LIN7A: variants seen among roughly 807,000 people sequenced by gnomAD.
LIN7A encodes the protein protein lin-7 homolog A.
Under a neutral mutation model 29.8 loss-of-function variants are expected in LIN7A, and 25 were observed. The observed-to-expected ratio is 0.84, with a 90% CI of 0.61 to 1.17. The LOEUF (loss-of-function observed/expected upper bound fraction) is 1.17. Among genes scored for constraint, LIN7A ranks in the 50% most tolerant of loss-of-function variants. The pLI is 0.00. For missense variants in LIN7A, 239 were observed against 287.0 expected (o/e 0.83, Z 1.21); for synonymous variants, 118 against 107.5 (o/e 1.10, Z -0.60).
In LIN7A at chr12:80,869,752, T is replaced by C. The variant is rs545529793; in HGVS notation, c.201+19499A>G. Among the ~76,000 whole-genome samples, 22 of 152,078 alleles carry C rather than the reference T, an allele frequency of 1.4e-4. No individual in the cohort carries two copies. The South Asian group carries it at 4.4e-3, about 30-fold the overall frequency. The stretch of plus-strand genomic sequence containing the variant: ...CTCAACCACATTACGCCAATGGTTT[T>C]TTTTTTTTTCTTTTTTTGCAAATAG... On this transcript the variant is annotated intron_variant, in intron 2 of 5. Transcript: ENST00000552864.
chr12:80,871,260 A>C (rs992737888), intron 2 of LIN7A, among the ~76,000 whole-genome samples: 3 of 152,200 alleles, frequency 2.0e-5, no homozygotes, highest in Non-Finnish European at 2.9e-5. Context: ...GAGGTAATGG[A>C]AAAGAATGGG....
chr12:80,926,785 C>T (rs943093981), intron 1 of LIN7A, among the ~76,000 whole-genome samples: 2 of 151,702 alleles, frequency 1.3e-5, no homozygotes, highest in African/African-American at 4.8e-5. Context: ...AGAAATTAGC[C>T]GGGCATGGTG....
intron 1 of LIN7A, among the ~76,000 whole-genome samples, chr12:80,910,182 T>C (rs1876684068): frequency 6.6e-6 from 1 of 152,194 alleles, no homozygotes; most frequent in Non-Finnish European, 1.5e-5. Context: ...TTTCTAATTG[T>C]TTATTGCTAT....
intron 2 of LIN7A, among the ~76,000 whole-genome samples, chr12:80,865,411 A>G (rs1412213531): frequency 6.6e-6 from 1 of 152,112 alleles, no homozygotes; most frequent in Non-Finnish European, 1.5e-5. Flanking sequence ...CACAGTTTTT[A>G]TCATCTTACT....
At chr12:80,903,502 A>G (rs1031200735) in intron 1 of LIN7A, among the ~76,000 whole-genome samples, 1 of 152,096 alleles carries the variant, frequency 6.6e-6, no homozygotes, top group Non-Finnish European at 1.5e-5. Context: ...CTCCAGTTCC[A>G]TTCATGTTGC....
intron 2 of LIN7A, among the ~76,000 whole-genome samples, chr12:80,852,259 CTTTAA>C (rs1159737623): frequency 6.6e-6 from 1 of 152,114 alleles, no homozygotes; most frequent in Non-Finnish European, 1.5e-5. Context: ...ACAAGCTTCA[CTTTAA>C]TTTATTTACC....
intron 2 of LIN7A, among the ~76,000 whole-genome samples, chr12:80,880,139 A>G (rs867452433): frequency 6.6e-5 from 10 of 152,202 alleles, no homozygotes; most frequent in Non-Finnish European, 1.3e-4. Context: ...TCTTTCTTTC[A>G]GCACTTTCAT....
intron 4 of LIN7A, among the ~76,000 whole-genome samples, chr12:80,817,941 G>T (rs1335365316): frequency 1.3e-5 from 2 of 152,224 alleles, no homozygotes; most frequent in African/African-American, 2.4e-5. Context: ...AAAAAGATCT[G>T]GCAACTCCTA....
intron 1 of LIN7A, among the ~76,000 whole-genome samples, chr12:80,902,223 T>G (rs1876255283): frequency 6.6e-6 from 1 of 151,256 alleles, no homozygotes; most frequent in South Asian, 2.1e-4. Context: ...ATGTGTTTTT[T>G]TTTTTTTTTT....
chr12:80,837,841 T>G (rs1872649227), intron 4 of LIN7A, among the ~76,000 whole-genome samples: 1 of 112,760 alleles, frequency 8.9e-6, no homozygotes, highest in Non-Finnish European at 1.9e-5. Flanking sequence ...ATCATCATCC[T>G]CATCATCATC....
Position 80,913,376 on chromosome 12 carries a change from C to T in LIN7A, c.83-24007G>A, listed in dbSNP as rs866923087. Among the ~76,000 whole-genome samples the T allele has an allele frequency of 3.9e-5, 6 of 152,300 alleles. 1 individual carries two copies. Among genetic ancestry groups the T allele is most frequent in the Middle Eastern group, 6.8e-3 (2 of 294 alleles). ...ATAAATTCCTACACTTTCCATGATA[C>T]GCCTGCAAGTGCAGACAAGCACAGT... On this transcript the variant is annotated intron_variant, in intron 1 of 5. Transcript: ENST00000552864.
At chr12:80,857,154 G>A (rs537585496) in intron 2 of LIN7A, among the ~76,000 whole-genome samples, 1 of 152,250 alleles carries the variant, frequency 6.6e-6, no homozygotes, top group East Asian at 1.9e-4. Context: ...TACCTGCTTG[G>A]AGCCGATACA....
At chr12:80,893,741 G>T (rs1445869549) in intron 1 of LIN7A, among the ~76,000 whole-genome samples, 2 of 152,198 alleles carry the variant, frequency 1.3e-5, no homozygotes, top group Non-Finnish European at 2.9e-5. Flanking sequence ...CATAGGCAAT[G>T]AACTTGGTGA....
At position 80,811,565 on chromosome 12, in the gene LIN7A, T is replaced by C. The variant is rs1469629712; in HGVS notation, c.602A>G (p.Glu201Gly). 1 of 1,613,968 alleles carries C rather than the reference T, an allele frequency of 6.2e-7. No individual in the cohort carries two copies. Among genetic ancestry groups the C allele is most frequent in the African/African-American group, 1.3e-5 (1 of 74,916 alleles). The change falls in exon 5 of 6, where the codon GAA becomes GGA. Residue 201 changes from glutamate (E) to glycine (G), a missense_variant. Coordinates refer to ENST00000552864, the MANE Select transcript of LIN7A (RefSeq NM_004664.4). ...KVLEEMEARF[E>G]KLRTARRRQQ... ...CCGACGCCTGGCTGTTCGTAGCTTT[T>C]CAAAGCGAGCCTCCATTTCTTCCAG...
chr12:80,908,329 C>T (rs867961103), intron 1 of LIN7A, among the ~76,000 whole-genome samples: 2 of 151,858 alleles, frequency 1.3e-5, no homozygotes, highest in Admixed American at 6.6e-5. Context: ...TCTACTATAT[C>T]GATGTTAAAT....
chr12:80,854,673 T>C (rs1025897536), intron 2 of LIN7A, among the ~76,000 whole-genome samples: 6 of 152,090 alleles, frequency 3.9e-5, no homozygotes, highest in African/African-American at 1.4e-4. Flanking sequence ...TTCATAATCA[T>C]GTAATGATTA....
intron 1 of LIN7A, among the ~76,000 whole-genome samples, chr12:80,905,112 G>C (rs932928996): frequency 6.6e-6 from 1 of 151,828 alleles, no homozygotes; most frequent in African/African-American, 2.4e-5. Flanking sequence ...ATCTCATATA[G>C]AGATCATTTC....
chr12:80,884,323 G>A (rs955745247), intron 2 of LIN7A, among the ~76,000 whole-genome samples: 1 of 152,076 alleles, frequency 6.6e-6, no homozygotes, highest in African/African-American at 2.4e-5. Flanking sequence ...GGAGAGCCTG[G>A]GTAATGCTGA....
intron 4 of LIN7A, among the ~76,000 whole-genome samples, chr12:80,816,733 A>G (rs1871556203): frequency 6.6e-6 from 1 of 152,214 alleles, no homozygotes; most frequent in Non-Finnish European, 1.5e-5. Flanking sequence ...ATTGAAGTTT[A>G]GCAAATCAAT....
Sources: gnomAD v4.1 joint callset for allele counts (sites outside exome capture counted in the v4.1 genomes callset) on GRCh38, gnomAD v4.1.1 for gene constraint, MANE v1.5 for transcripts, NCBI Gene and HGNC (gene_info 2026-07-23, HGNC 2026-07-21) for gene names.